ITFG1: variants seen among roughly 807,000 people sequenced by gnomAD.
ITFG1 encodes integrin alpha FG-GAP repeat containing 1.
Under a neutral mutation model 81.8 loss-of-function variants are expected in ITFG1, and 34 were observed. That is an observed-to-expected ratio of 0.42 (90% CI 0.32 to 0.55). The LOEUF (loss-of-function observed/expected upper bound fraction) is 0.55, where lower values mean the gene tolerates loss of function less well. Ranked by LOEUF, ITFG1 falls within the 20% of genes least tolerant of loss-of-function variation. The pLI is 0.17. For synonymous variants in ITFG1, 285 were observed against 270.6 expected (o/e 1.05, Z -0.52); for missense variants, 672 against 755.4 (o/e 0.89, Z 1.29).
chr16:47,181,719 T>C (rs1384892611), intron 14 of ITFG1, among the ~76,000 whole-genome samples: 1 of 152,008 alleles, frequency 6.6e-6, no homozygotes, highest in Non-Finnish European at 1.5e-5. Context: ...ATGATGACAA[T>C]GGCGGTTTTG....
chr16:47,407,077 C>T (rs1968738396), intron 6 of ITFG1, among the ~76,000 whole-genome samples: 1 of 152,076 alleles, frequency 6.6e-6, no homozygotes, highest in African/African-American at 2.4e-5. Flanking sequence ...GTTTTAAGGA[C>T]TTTGGCTATT....
intron 13 of ITFG1, among the ~76,000 whole-genome samples, chr16:47,230,549 G>A (rs1233670680): frequency 2.0e-5 from 3 of 152,136 alleles, no homozygotes; most frequent in Non-Finnish European, 4.4e-5. Flanking sequence ...ACTGCTGAAG[G>A]AAAGACACCA....
chr16:47,305,990 A>G (rs1300528763), intron 10 of ITFG1, among the ~76,000 whole-genome samples: 1 of 152,156 alleles, frequency 6.6e-6, no homozygotes, highest in East Asian at 1.9e-4. Context: ...AAACGTGAAA[A>G]TCATTCCATC....
At chr16:47,352,301 T>C (rs1402971177) in intron 8 of ITFG1, among the ~76,000 whole-genome samples, 1 of 152,160 alleles carries the variant, frequency 6.6e-6, no homozygotes, top group Non-Finnish European at 1.5e-5. Flanking sequence ...AGTTTTGCAA[T>C]CTACTCATCT....
intron 6 of ITFG1, among the ~76,000 whole-genome samples, chr16:47,397,413 A>G (rs1027869363): frequency 6.6e-6 from 1 of 152,214 alleles, no homozygotes; most frequent in Non-Finnish European, 1.5e-5. Flanking sequence ...GTAAGCAAAA[A>G]GAAAACAGTA....
rs983279848 is a variant in ITFG1 at position 47,313,722 on chromosome 16, G to A, written c.897+7C>T. 8.1e-6 allele frequency: 12 copies of A among 1,487,776 alleles called. No individual in the cohort carries two copies. Among genetic ancestry groups the A allele is most frequent in the East Asian group, 2.3e-5 (1 of 43,164 alleles). 92.2% of individuals were successfully genotyped at this position (1,487,776 alleles called of 1,614,324 possible). A position where few individuals can be genotyped will look rare whatever the true frequency, so the allele number is the denominator to read the frequency against. ...AAAATGTTTACATTAAAAACAACTTGATATACCTGCTTCATCCCAGATCTC... is the reference window on the plus strand; with the variant it reads ...AAAATGTTTACATTAAAAACAACTTAATATACCTGCTTCATCCCAGATCTC... On this transcript the variant is annotated splice_region_variant and intron_variant, in intron 9 of 17. Coordinates refer to ENST00000320640, the MANE Select transcript of ITFG1 (RefSeq NM_030790.5).
intron 14 of ITFG1, among the ~76,000 whole-genome samples, chr16:47,187,493 G>C (rs1251558784): frequency 2.0e-5 from 3 of 152,028 alleles, no homozygotes; most frequent in East Asian, 1.9e-4. Flanking sequence ...ACAAACCTGA[G>C]AAAAACAAGC....
At chr16:47,349,787 C>T (rs1190021127) in intron 8 of ITFG1, among the ~76,000 whole-genome samples, 1 of 152,158 alleles carries the variant, frequency 6.6e-6, no homozygotes, top group Non-Finnish European at 1.5e-5. Context: ...ACACCTATTC[C>T]AAAACTGACC....
Position 47,452,361 on chromosome 16 carries a change from T to C in ITFG1, c.485+372A>G, listed in dbSNP as rs149137874. Among the ~76,000 whole-genome samples, 801 of 152,302 alleles carry C rather than the reference T, an allele frequency of 5.3e-3. 5 individuals are homozygous for C. Among genetic ancestry groups the C allele is most frequent in the Non-Finnish European group, 7.7e-3 (522 of 68,020 alleles). The stretch of plus-strand genomic sequence containing the variant: ...ATAACACAAAGCAGGAGTTATATTA[T>C]AAAAAGAACAAAAATTTCTCCTTAA... On this transcript the variant is annotated intron_variant, in intron 4 of 17. Coordinates refer to ENST00000320640, the MANE Select transcript of ITFG1 (RefSeq NM_030790.5).
intron 6 of ITFG1, among the ~76,000 whole-genome samples, chr16:47,394,321 T>C (rs1165442529): frequency 6.6e-6 from 1 of 152,170 alleles, no homozygotes; most frequent in Non-Finnish European, 1.5e-5. Flanking sequence ...TATTATATAC[T>C]TTTAAGTCAG....
Position 47,451,397 on chromosome 16 carries a change from C to T in ITFG1, c.559G>A (p.Gly187Arg), listed in dbSNP as rs768221078. The change falls in exon 5 of 18, where the codon GGG (glycine) becomes AGG (arginine). Residue 187 changes from glycine to arginine, a missense_variant and splice_region_variant. This residue lies in a region of ITFG1 where 560 missense variants were observed against 625.7 expected (regional missense o/e 0.90). Transcript: ENST00000320640. ...ESNQPQILLGGNLSWHPALTT... is the reference protein window; with the variant it reads ...ESNQPQILLGRNLSWHPALTT... ...ATAGTTATAACCATATTTACTCACCCTCCTAATAGTATCTGTGGCTGGTTG... is the reference window on the plus strand; with the variant it reads ...ATAGTTATAACCATATTTACTCACCTTCCTAATAGTATCTGTGGCTGGTTG... The T allele has an allele frequency of 1.3e-6, 2 of 1,516,402 alleles. No individual in the cohort carries two copies. The highest frequency in any genetic ancestry group is 2.8e-5 in the African/African-American group (2 of 72,702). 93.9% of individuals were successfully genotyped at this position (1,516,402 alleles called of 1,614,324 possible). A position where few individuals can be genotyped will look rare whatever the true frequency, so the allele number is the denominator to read the frequency against.
chr16:47,313,835 A>T lies in ITFG1; in HGVS notation c.803-12T>A, dbSNP rs1429941600. On this transcript the variant is annotated splice_polypyrimidine_tract_variant and intron_variant, in intron 8 of 17. Coordinates refer to ENST00000320640, the MANE Select transcript of ITFG1 (RefSeq NM_030790.5). ...GTGTCCATCTCCATCTGCCAAAAGA[A>T]ACTTCAAGAGTCCATTAATAGTCAC... The T allele has an allele frequency of 1.3e-6, 2 of 1,522,442 alleles. No individual in the cohort carries two copies. Among genetic ancestry groups the T allele is most frequent in the African/African-American group, 2.8e-5 (2 of 72,230 alleles). 94.3% of individuals were successfully genotyped at this position (1,522,442 alleles called of 1,614,324 possible).
At chr16:47,447,284 C>T (rs921071747) in intron 5 of ITFG1, among the ~76,000 whole-genome samples, 1 of 152,108 alleles carries the variant, frequency 6.6e-6, no homozygotes, top group East Asian at 1.9e-4. Context: ...ATGTTACTAT[C>T]AATTTTTTTT....
intron 14 of ITFG1, among the ~76,000 whole-genome samples, chr16:47,165,415 T>G (rs1185357472): frequency 6.6e-6 from 1 of 152,244 alleles, no homozygotes; most frequent in Non-Finnish European, 1.5e-5. Context: ...AACAGTATAG[T>G]GAACAGCATG....
intron 14 of ITFG1, among the ~76,000 whole-genome samples, chr16:47,184,388 G>C (rs1349715598): frequency 6.6e-6 from 1 of 152,112 alleles, no homozygotes; most frequent in Non-Finnish European, 1.5e-5. Flanking sequence ...GAAAGGTCGG[G>C]TTACCCACAA....
chr16:47,373,370 C>T (rs1968283183), intron 7 of ITFG1, among the ~76,000 whole-genome samples: 1 of 152,160 alleles, frequency 6.6e-6, no homozygotes, highest in African/African-American at 2.4e-5. Flanking sequence ...GCAACCTCCA[C>T]CTCCCAGGAT....
intron 8 of ITFG1, among the ~76,000 whole-genome samples, chr16:47,360,735 A>G (rs1279034876): frequency 2.0e-5 from 3 of 152,214 alleles, no homozygotes; most frequent in African/African-American, 7.2e-5. Flanking sequence ...CAGATCAAAC[A>G]TGAACAAGAA....
intron 14 of ITFG1, among the ~76,000 whole-genome samples, chr16:47,183,135 A>G (rs1965155275): frequency 6.6e-6 from 1 of 152,214 alleles, no homozygotes; most frequent in African/African-American, 2.4e-5. Flanking sequence ...TCCTACGCCC[A>G]CGGAGTCTCG....
At chr16:47,220,606 T>C (rs887527321) in intron 13 of ITFG1, among the ~76,000 whole-genome samples, 2 of 152,220 alleles carry the variant, frequency 1.3e-5, no homozygotes, top group Non-Finnish European at 2.9e-5. Context: ...CAATCAGTGG[T>C]AATATTAACA....
Sources: gnomAD v4.1 joint callset for allele counts (sites outside exome capture counted in the v4.1 genomes callset) on GRCh38, gnomAD v4.1.1 for gene constraint, gnomAD v4.1.1 regional missense constraint, MANE v1.5 for transcripts, NCBI Gene and HGNC (gene_info 2026-07-23, HGNC 2026-07-21) for gene names.